The following CNTN4 variants were observed in gnomAD, a reference collection of about 807,000 sequenced individuals.
The protein encoded by CNTN4 is contactin-4.
CNTN4 carries 77 observed loss-of-function variants against 122.5 expected under a neutral mutation model. The observed-to-expected ratio is 0.63, with a 90% CI of 0.52 to 0.76. The LOEUF is 0.76. Ranked by LOEUF, CNTN4 falls within the 30% of genes least tolerant of loss-of-function variation. The pLI, the probability that CNTN4 is intolerant of heterozygous loss-of-function variation, is 0.00. For synonymous variants in CNTN4, 512 were observed against 447.0 expected, an observed-to-expected ratio of 1.15 and a Z score of -1.83; for missense variants, 1,256 against 1,259.1, an observed-to-expected ratio of 1.00 and a Z score of 0.04.
chr3:2,784,372 G>A (rs772325992), intron 6 of CNTN4, among the ~76,000 whole-genome samples: 13 of 152,060 alleles, frequency 8.5e-5, no homozygotes, highest in South Asian at 4.2e-4. Flanking sequence ...TGTTTATTGC[G>A]CACCTCCACA....
At chr3:2,744,275 T>G in intron 5 of CNTN4, among the ~76,000 whole-genome samples, 1 of 152,260 alleles carries the variant, frequency 6.6e-6, no homozygotes, top group East Asian at 1.9e-4. Context: ...ATCTTGAAAC[T>G]AACTCACGTA....
At chr3:2,739,819 A>T (rs2089352867) in intron 5 of CNTN4, among the ~76,000 whole-genome samples, 1 of 152,230 alleles carries the variant, frequency 6.6e-6, no homozygotes, top group African/African-American at 2.4e-5. Flanking sequence ...ATTGTGAAAA[A>T]GTAACTAAGT....
At chr3:2,197,746 T>G (rs1198813572) in intron 2 of CNTN4, among the ~76,000 whole-genome samples, 1 of 152,140 alleles carries the variant, frequency 6.6e-6, no homozygotes, top group Non-Finnish European at 1.5e-5. Flanking sequence ...CCAGGCACGG[T>G]GGCTCATGCC....
At chr3:2,352,928 C>A (rs1462563387) in intron 3 of CNTN4, among the ~76,000 whole-genome samples, 1 of 152,112 alleles carries the variant, frequency 6.6e-6, no homozygotes, top group Non-Finnish European at 1.5e-5. Flanking sequence ...TTTGTAAATG[C>A]ACCAATCAGT....
rs1164374378 is a variant in CNTN4, at chr3:3,057,690, T to C, written c.*1470T>C. 1 of 152,638 alleles carries C rather than the reference T, an allele frequency of 6.6e-6. No individual in the cohort carries two copies. Among genetic ancestry groups the C allele is most frequent in the Non-Finnish European group, 1.5e-5 (1 of 68,036 alleles). 9.5% of individuals were successfully genotyped at this position (152,638 alleles called of 1,614,324 possible). Reference sequence around the variant, plus strand: ...TTATCCAATAAAGTCATAATCGGGATTCCATTTGTGTAAAAACTAGGGTGG... The same window carrying C: ...TTATCCAATAAAGTCATAATCGGGACTCCATTTGTGTAAAAACTAGGGTGG... On this transcript the variant is annotated 3_prime_UTR_variant, in exon 25 of 25. Coordinates refer to ENST00000418658, the MANE Select transcript of CNTN4 (RefSeq NM_175607.3).
intron 3 of CNTN4, among the ~76,000 whole-genome samples, chr3:2,427,350 A>G (rs1250778515): frequency 6.6e-6 from 1 of 152,210 alleles, no homozygotes; most frequent in Non-Finnish European, 1.5e-5. Flanking sequence ...ATTCAGGAGC[A>G]GGTTGCTCAG....
chr3:2,512,571 G>T (rs1021167028), intron 3 of CNTN4, among the ~76,000 whole-genome samples: 3 of 152,152 alleles, frequency 2.0e-5, no homozygotes, highest in Admixed American at 6.6e-5. Context: ...AAAGGGATTT[G>T]TGGATTTTTC....
intron 2 of CNTN4, among the ~76,000 whole-genome samples, chr3:2,108,106 G>A (rs1217645750): frequency 6.6e-6 from 1 of 151,014 alleles, no homozygotes; most frequent in Admixed American, 6.6e-5. Context: ...CCTCCCCCAG[G>A]CTTGCAGACC....
intron 2 of CNTN4, among the ~76,000 whole-genome samples, chr3:2,308,277 G>A (rs1486026306): frequency 6.6e-6 from 1 of 151,654 alleles, no homozygotes; most frequent in African/African-American, 2.4e-5. Context: ...TCAATTTTAG[G>A]ATTTTGAATT....
At chr3:2,886,440 A>G (rs948429063) in intron 9 of CNTN4, among the ~76,000 whole-genome samples, 1 of 151,690 alleles carries the variant, frequency 6.6e-6, no homozygotes, top group Admixed American at 6.6e-5. Context: ...AGCAAAAAAC[A>G]TATGAGGAAA....
rs982560293 is a variant in CNTN4 at position 2,405,464 on chromosome 3, A to T, written c.-89+66231A>T. ...AAAGTAAGAGTGCATGTCAAAGGAC[A>T]TAGGCACTGACATGAAAGAACCCCC... On this transcript the variant is annotated intron_variant, in intron 3 of 24. Coordinates refer to ENST00000418658, the MANE Select transcript of CNTN4 (RefSeq NM_175607.3). 6.6e-5 allele frequency among the ~76,000 whole-genome samples: 10 copies of T among 152,180 alleles called. No individual in the cohort carries two copies. In the East Asian group the frequency reaches 1.5e-3, roughly 23 times the overall value.
intron 2 of CNTN4, among the ~76,000 whole-genome samples, chr3:2,214,552 G>A (rs1231357371): frequency 2.0e-5 from 3 of 152,116 alleles, no homozygotes; most frequent in African/African-American, 7.2e-5. Flanking sequence ...GATTGAAGGA[G>A]AGGAAAATTA....
intron 2 of CNTN4, among the ~76,000 whole-genome samples, chr3:2,216,926 G>A (rs1178519): frequency 0.58 from 88,830 of 151,920 alleles, 26,804 homozygotes; most frequent in African/African-American, 0.67. Context: ...TCATTGGTGG[G>A]TTGTGCCTGC....
intron 2 of CNTN4, among the ~76,000 whole-genome samples, chr3:2,219,076 C>T (rs140270391): frequency 6.6e-6 from 1 of 152,258 alleles, no homozygotes; most frequent in Non-Finnish European, 1.5e-5. Flanking sequence ...TAGCATATTT[C>T]CATGAAGGCA....
chr3:2,832,043 T>C (rs1288556204), intron 7 of CNTN4, among the ~76,000 whole-genome samples: 1 of 152,206 alleles, frequency 6.6e-6, no homozygotes, highest in Non-Finnish European at 1.5e-5. Flanking sequence ...AGTACCCAAA[T>C]ATGAGAAAGA....
intron 3 of CNTN4, among the ~76,000 whole-genome samples, chr3:2,522,180 TGTGTGTGTGTGA>T (rs1300959085): frequency 6.8e-6 from 1 of 147,476 alleles, no homozygotes; most frequent in East Asian, 2.2e-4. Flanking sequence ...TGTGTGTGTG[TGTGTGTGTGTGA>T]ATAATTAATA....
chr3:2,938,703 A>G (rs1256838817), intron 13 of CNTN4, among the ~76,000 whole-genome samples: 2 of 152,184 alleles, frequency 1.3e-5, no homozygotes, highest in African/African-American at 4.8e-5. Context: ...CAGCTTTCAG[A>G]TCCATAGCTT....
intron 20 of CNTN4, among the ~76,000 whole-genome samples, chr3:3,041,828 CAT>C (rs961304085): frequency 3.9e-5 from 6 of 152,068 alleles, no homozygotes; most frequent in Admixed American, 2.0e-4. Context: ...CGTGTTGGCA[CAT>C]GTGTGTGTGG....
intron 3 of CNTN4, among the ~76,000 whole-genome samples, chr3:2,523,271 T>C (rs1325469843): frequency 6.6e-6 from 1 of 151,664 alleles, no homozygotes; most frequent in Non-Finnish European, 1.5e-5. Flanking sequence ...TTCTCTAGTT[T>C]CCTATACACT....
Sources: allele counts gnomAD v4.1 joint callset (sites outside exome capture counted in the v4.1 genomes callset), GRCh38; gene constraint gnomAD v4.1.1; transcripts MANE v1.5; gene names NCBI Gene and HGNC (gene_info 2026-07-23, HGNC 2026-07-21).